HCFC1: variants seen among roughly 807,000 people sequenced by gnomAD.
HCFC1 encodes the protein host cell factor C1, also known as host cell factor 1.
HCFC1 carries 7 observed loss-of-function variants against 105.5 expected under a neutral mutation model. The ratio of observed to expected loss-of-function variants is 0.07; its 90% CI spans 0.04 to 0.12. The LOEUF is 0.12. Among genes scored for constraint, HCFC1 ranks in the 10% least tolerant of loss-of-function variants. The pLI, the probability that HCFC1 is intolerant of heterozygous loss-of-function variation, is 1.00. For missense variants in HCFC1, 1,065 were observed against 1,823.6 expected (o/e 0.58, Z 7.58); for synonymous variants, 918 against 828.1 (o/e 1.11, Z -1.86).
intron 24 of HCFC1, among the ~76,000 whole-genome samples, 182 bp downstream of exon 24, chrX:153,950,061 A>T (rs1242576117): frequency 8.9e-6 from 1 of 111,878 alleles, no homozygotes; most frequent in Non-Finnish European, 1.9e-5. Context: ...CTGCACCCCC[A>T]GGCCCGGAGC....
chrX:153,955,596 C>T (rs1310454058), intron 16 of HCFC1, 54 bp from the exon 17 acceptor site: 15 of 1,096,846 alleles, frequency 1.4e-5, no homozygotes, highest in Non-Finnish European at 1.8e-5. Context: ...GTCTGCCTGT[C>T]CCTCCCACTG....
chrX:153,949,505 T>G (rs782800942), intron 25 of HCFC1, 48 bp downstream of exon 25: 1 of 1,178,034 alleles, frequency 8.5e-7, no homozygotes, highest in Non-Finnish European at 1.2e-6. Flanking sequence ...AACCCAGCTA[T>G]TTCCACCCCT....
In HCFC1 at chrX:153,948,227, A is replaced by G. The variant is rs1437869672; in HGVS notation, c.*1120T>C. On this transcript the variant is annotated 3_prime_UTR_variant, in exon 26 of 26. Coordinates refer to ENST00000310441, the MANE Select transcript of HCFC1 (RefSeq NM_005334.3). ...TGGAAATCCAGGACAAGGAGGCCCCAGCCCTCCCTCAAGCTCCCCTAGGCT... is the reference window on the plus strand; with the variant it reads ...TGGAAATCCAGGACAAGGAGGCCCCGGCCCTCCCTCAAGCTCCCCTAGGCT... The G allele has an allele frequency of 8.9e-6, 1 of 112,245 alleles. No individual in the cohort carries two copies. Among genetic ancestry groups the G allele is most frequent in the Non-Finnish European group, 1.9e-5 (1 of 53,180 alleles). 9.3% of individuals were successfully genotyped at this position (112,245 alleles called of 1,213,427 possible).
rs782223471 is a variant in HCFC1, at chrX:153,952,182, C to T, written c.4943-24G>A. The T allele has an allele frequency of 1.7e-5, 19 of 1,089,218 alleles. No homozygotes were observed. In the African/African-American group the frequency reaches 3.1e-4, roughly 18 times the overall value. 89.8% of individuals were successfully genotyped at this position (1,089,218 alleles called of 1,213,427 possible). A position where few individuals can be genotyped will look rare whatever the true frequency, so the allele number is the denominator to read the frequency against. ...GCCTGCTCCAGGGTCGAGAGAAACA[C>T]TACTTACTAGGAAGGCTGGCCAGAA... On this transcript the variant is annotated intron_variant, in intron 19 of 25. Transcript: ENST00000310441.
intron 21 of HCFC1, 43 bp downstream of exon 21, chrX:153,951,546 C>T (rs1557112458): frequency 2.5e-6 from 3 of 1,206,028 alleles, no homozygotes; most frequent in South Asian, 3.5e-5. Flanking sequence ...GCAGTGCTGC[C>T]CCCCAGGCCA....
In HCFC1 at chrX:153,955,536, A is replaced by T. The variant is rs2065366637; in HGVS notation, c.2863T>A (p.Ser955Thr). 8.6e-7 allele frequency: 1 copy of T among 1,169,058 alleles called. No individual in the cohort carries two copies. Among genetic ancestry groups the T allele is most frequent in the Non-Finnish European group, 1.1e-6 (1 of 873,869 alleles). ...TTPTITMQPVSQPTQVTLITA... is the reference protein window; with the variant it reads ...TTPTITMQPVTQPTQVTLITA... ...ATCAGAGTTACCTGGGTGGGCTGGG[A>T]CACGGGCTGGGGAGACACACGAGGA... is the stretch of plus-strand genomic sequence containing the variant. Residue 955 changes from serine to threonine, a missense_variant, in exon 17 of 26, where the codon TCC becomes ACC. By Grantham distance (58) the Ser-to-Thr change is moderately conservative. This residue lies in a region of HCFC1 where 137 missense variants were observed against 378.2 expected (regional missense o/e 0.36). Transcript: ENST00000310441.
intron 2 of HCFC1, 41 bp from the exon 3 acceptor site, chrX:153,964,325 A>C (rs782661883): frequency 1.8e-6 from 2 of 1,122,924 alleles, no homozygotes; most frequent in Non-Finnish European, 2.4e-6. Context: ...TGGGATGAGA[A>C]GGCCACCACT....
intron 1 of HCFC1, among the ~76,000 whole-genome samples, chrX:153,970,438 G>A (rs1377587028): frequency 1.1e-5 from 1 of 93,680 alleles, no homozygotes; most frequent in Admixed American, 1.1e-4. Context: ...GAGGGAGGGG[G>A]AGGAGGGGAG....
In HCFC1 at chrX:153,963,443, A is replaced by G; in HGVS notation, c.504-10T>C. On this transcript the variant is annotated splice_polypyrimidine_tract_variant and intron_variant, in intron 3 of 25. Transcript: ENST00000310441. The stretch of plus-strand genomic sequence containing the variant: ...TAAGTCATTCAGGTACCTGACGAGG[A>G]AAGATCAGTTACGGCAAGTCTCGAC... 1 of 1,177,147 alleles carries G rather than the reference A, an allele frequency of 8.5e-7. No homozygotes were observed. Among genetic ancestry groups the G allele is most frequent in the Non-Finnish European group, 1.2e-6 (1 of 864,667 alleles).
In HCFC1 at chrX:153,950,563, A is replaced by G. The variant is rs781961776; in HGVS notation, c.5704-20T>C. The G allele has an allele frequency of 1.8e-6, 2 of 1,141,628 alleles. No homozygotes were observed. Among genetic ancestry groups the G allele is most frequent in the African/African-American group, 3.6e-5 (2 of 55,141 alleles). The allele number at this position is 1,141,628 out of a possible 1,213,427, so 94.1% of individuals were successfully genotyped here. On this transcript the variant is annotated intron_variant, in intron 23 of 25. Transcript: ENST00000310441. ...CGGACTCTAGAAGCCAGGGGGTCAG[A>G]AGGTCAACAGAACAGGCTAGAGGCT...
chrX:153,951,603 C>T lies in HCFC1; in HGVS notation c.5365G>A (p.Glu1789Lys), dbSNP rs2065312509. 2.5e-6 allele frequency: 3 copies of T among 1,209,155 alleles called. No individual in the cohort carries two copies. Among genetic ancestry groups the T allele is most frequent in the Admixed American group, 4.4e-5 (2 of 45,888 alleles). ...ACCCGACTCACCACACCCAGGGACT[C>T]GATGCCATTGGCCACTTCGGTCAGG... ...ATLTEVANGIESLGVKPDLPP... is the reference protein window; with the variant it reads ...ATLTEVANGIKSLGVKPDLPP... The change falls in exon 21 of 26, where the codon GAG (glutamate) becomes AAG (lysine). Residue 1789 changes from glutamate to lysine, a missense_variant. Coordinates refer to ENST00000310441, the MANE Select transcript of HCFC1 (RefSeq NM_005334.3).
At chrX:153,956,830 C>T (rs1349573961) in intron 14 of HCFC1, 67 bp from the exon 15 acceptor site, 2 of 1,203,011 alleles carry the variant, frequency 1.7e-6, no homozygotes, top group East Asian at 3.0e-5. Flanking sequence ...GATGCTGCCC[C>T]TCCCAGGCCT....
At chrX:153,964,812 TGA>T in intron 1 of HCFC1, 86 bp from the exon 2 acceptor site, 1 of 965,712 alleles carries the variant, frequency 1.0e-6, no homozygotes, top group Non-Finnish European at 1.4e-6. Flanking sequence ...TCAAGCTTGG[TGA>T]GAGGGGCTGA....
chrX:153,958,275 G>C, intron 10 of HCFC1, 26 bp from the exon 11 acceptor site: 1 of 1,149,808 alleles, frequency 8.7e-7, no homozygotes, highest in Non-Finnish European at 1.2e-6. Flanking sequence ...ACGAGTGACA[G>C]GCCAGGCAAA....
In HCFC1 at chrX:153,970,881, G is replaced by A. The variant is rs1557119970; in HGVS notation, c.-41C>T. 1 of 1,067,775 alleles carries A rather than the reference G, an allele frequency of 9.4e-7. No individual in the cohort carries two copies. Among genetic ancestry groups the A allele is most frequent in the Non-Finnish European group, 1.2e-6 (1 of 803,956 alleles). 88.0% of individuals were successfully genotyped at this position (1,067,775 alleles called of 1,213,427 possible). A position where few individuals can be genotyped will look rare whatever the true frequency, so the allele number is the denominator to read the frequency against. ...TGCGGTGGGGAGAAGTCAACAAGCG[G>A]GAAGGGAGCCCCTCAATTCCTTTCA... On this transcript the variant is annotated 5_prime_UTR_variant, in exon 1 of 26. Coordinates refer to ENST00000310441, the MANE Select transcript of HCFC1 (RefSeq NM_005334.3).
rs781961897 is a variant in HCFC1, at chrX:153,953,678, C to T, written c.4426G>A (p.Val1476Met). 2.4e-5 allele frequency: 29 copies of T among 1,209,184 alleles called. 1 individual carries two copies. Among genetic ancestry groups the T allele is most frequent in the South Asian group, 8.8e-5 (5 of 56,797 alleles). ...ACAGCCCGCGTCAGTGTGGAGGACA[C>T]GGTTGTCGTGATGGCACTGGAGCTG... ...ITSSSAITTT[V>M]SSTLTRAVTT... Residue 1476 changes from valine (V) to methionine (M), a missense_variant, in exon 18 of 26, where the codon GTG becomes ATG. Physicochemically the swap from Val to Met is conservative, Grantham distance 21. This residue lies in a region of HCFC1 where 546 missense variants were observed against 599.9 expected (regional missense o/e 0.91). Transcript: ENST00000310441.
chrX:153,955,987 C>T (rs1478368911), intron 16 of HCFC1, among the ~76,000 whole-genome samples: 1 of 113,401 alleles, frequency 8.8e-6, no homozygotes, highest in African/African-American at 3.2e-5. Context: ...CATGGCCAAA[C>T]CATGACAGCC....
intron 2 of HCFC1, 115 bp downstream of exon 2, chrX:153,964,463 G>C: frequency 1.1e-6 from 1 of 943,508 alleles, no homozygotes; most frequent in Non-Finnish European, 1.5e-6. Context: ...GTTCAGAGCA[G>C]CCTTGGCAGA....
chrX:153,950,439 G>A lies in HCFC1; in HGVS notation c.5808C>T (p.Gly1936=), dbSNP rs782369645. The A allele has an allele frequency of 2.5e-5, 30 of 1,205,400 alleles. No homozygotes were observed. The highest frequency in any genetic ancestry group is 1.0e-4 in the African/African-American group (6 of 57,298). ...YLAIQSSQAG[G]ELKSSTPAQL... The stretch of plus-strand genomic sequence containing the variant: ...GGGCCGGGGTGGAGCTCTTGAGCTC[G>A]CCCCCAGCCTGTGAGCTCTGGATGG... The change falls in exon 24 of 26, where the codon GGC becomes GGT. Residue 1936 remains glycine, a synonymous_variant. Transcript: ENST00000310441.
Sources: gnomAD v4.1 joint callset for allele counts (sites outside exome capture counted in the v4.1 genomes callset) on GRCh38, gnomAD v4.1.1 for gene constraint, gnomAD v4.1.1 regional missense constraint, MANE v1.5 for transcripts, NCBI Gene and HGNC (gene_info 2026-07-23, HGNC 2026-07-21) for gene names.